The following SLC9A2 variants were observed in gnomAD, a reference collection of about 807,000 sequenced individuals.
SLC9A2 encodes sodium/hydrogen exchanger 2.
A neutral mutation model predicts 71.7 loss-of-function variants in SLC9A2; 42 were observed. The observed-to-expected ratio is 0.59, with a 90% CI of 0.46 to 0.76. The LOEUF is 0.76. SLC9A2 is among the 30% of genes least tolerant of loss of function. SLC9A2 has a pLI of 0.00. For synonymous variants in SLC9A2, 396 were observed against 392.5 expected (o/e 1.01, Z -0.10); for missense variants, 829 against 1,017.4 (o/e 0.81, Z 2.52).
chr2:102,670,944 G>GT (rs1329932955), intron 3 of SLC9A2, among the ~76,000 whole-genome samples: 1 of 146,676 alleles, frequency 6.8e-6, no homozygotes, highest in African/African-American at 2.5e-5. Context: ...ATCCAAGAGT[G>GT]TTAAACCATA....
At chr2:102,650,030 C>T (rs1422153544) in intron 1 of SLC9A2, among the ~76,000 whole-genome samples, 1 of 152,120 alleles carries the variant, frequency 6.6e-6, no homozygotes, top group Non-Finnish European at 1.5e-5. Context: ...GTGTTTCTTG[C>T]ATGCAGCGCT....
intron 2 of SLC9A2, among the ~76,000 whole-genome samples, chr2:102,660,456 T>C (rs1677028110): frequency 6.6e-6 from 1 of 152,220 alleles, no homozygotes; most frequent in East Asian, 1.9e-4. Flanking sequence ...CCCACAGGTT[T>C]GCCAAAGAAT....
chr2:102,653,736 A>C (rs1676879008), intron 1 of SLC9A2, among the ~76,000 whole-genome samples: 1 of 152,236 alleles, frequency 6.6e-6, no homozygotes, highest in South Asian at 2.1e-4. Flanking sequence ...AAAGGAAAGA[A>C]AAAGGTGAAA....
At chr2:102,676,496 G>A (rs1440653813) in intron 3 of SLC9A2, among the ~76,000 whole-genome samples, 2 of 152,158 alleles carry the variant, frequency 1.3e-5, no homozygotes, top group Non-Finnish European at 2.9e-5. Flanking sequence ...TTTATGCAAT[G>A]GACAAGTCTT....
At chr2:102,662,404 A>G (rs1677065977) in intron 2 of SLC9A2, among the ~76,000 whole-genome samples, 1 of 152,174 alleles carries the variant, frequency 6.6e-6, no homozygotes, top group Non-Finnish European at 1.5e-5. Flanking sequence ...GAGGAAAAGA[A>G]GAAGGAGACT....
Position 102,678,552 on chromosome 2 carries a change from G to A in SLC9A2, c.1005-4709G>A, listed in dbSNP as rs551642165. On this transcript the variant is annotated intron_variant, in intron 3 of 11. Transcript: ENST00000233969. Reference sequence around the variant, plus strand: ...CAATGTCATACTGATGACACAGAATGAGGACGTGAGGCTGTGGACTCCGGT... The same window carrying A: ...CAATGTCATACTGATGACACAGAATAAGGACGTGAGGCTGTGGACTCCGGT... 1.8e-4 allele frequency among the ~76,000 whole-genome samples: 28 copies of A among 152,314 alleles called. No individual in the cohort carries two copies. In the South Asian group the frequency reaches 2.5e-3, roughly 14 times the overall value.
Position 102,619,640 on chromosome 2 carries a change from C to G in SLC9A2, c.-209C>G, listed in dbSNP as rs887453464. The G allele has an allele frequency of 2.0e-4, 86 of 440,242 alleles. No individual in the cohort carries two copies. The highest frequency in any genetic ancestry group is 2.7e-4 in the Non-Finnish European group (69 of 253,938). The allele number at this position is 440,242 out of a possible 1,614,324, so 27.3% of individuals were successfully genotyped here. A position where few individuals can be genotyped will look rare whatever the true frequency, so the allele number is the denominator to read the frequency against. ...GGTACGCGCAGCGGCCTCTCGTCGC[C>G]CTGCACGTGCCTCGCCAGGCAGTGC... is the stretch of plus-strand genomic sequence containing the variant. On this transcript the variant is annotated 5_prime_UTR_variant, in exon 1 of 12. Transcript: ENST00000233969. The surrounding 1 kb of genome is among the most constrained non-coding windows in gnomAD (Gnocchi z 4.3).
At chr2:102,690,001 T>C (rs920309094) in intron 5 of SLC9A2, among the ~76,000 whole-genome samples, 5 of 151,978 alleles carry the variant, frequency 3.3e-5, no homozygotes, top group African/African-American at 9.7e-5. Context: ...GAGTGGGAGA[T>C]GTAAATTTGG....
chr2:102,683,510 T>C (rs774463172), intron 4 of SLC9A2, 32 bp downstream of exon 4: 26 of 1,521,850 alleles, frequency 1.7e-5, no homozygotes, highest in Non-Finnish European at 2.3e-5. Context: ...ACTGGACATA[T>C]GTAACACTCA....
chr2:102,620,298 T>C (rs549695574), intron 1 of SLC9A2, among the ~76,000 whole-genome samples, 161 bp downstream of exon 1: 1 of 152,240 alleles, frequency 6.6e-6, no homozygotes, highest in East Asian at 1.9e-4. Flanking sequence ...AAAGGACCCT[T>C]GGAAGAGCAG....
At chr2:102,670,162 C>A (rs1295615236) in intron 3 of SLC9A2, among the ~76,000 whole-genome samples, 2 of 145,308 alleles carry the variant, frequency 1.4e-5, no homozygotes, top group Non-Finnish European at 3.0e-5. Context: ...TCCCGAGTAG[C>A]TGGGACTACC....
rs1441498590 is a variant in SLC9A2, at chr2:102,640,812, T to C, written c.290-16752T>C. On this transcript the variant is annotated intron_variant, in intron 1 of 11. Coordinates refer to ENST00000233969, the MANE Select transcript of SLC9A2 (RefSeq NM_003048.6). ...CAAGCCTCTAATCCTGCCTTGGTCT[T>C]TCTGGCAACCAGCACCCATCTTGAA... Among the ~76,000 whole-genome samples, 12 of 152,304 alleles carry C rather than the reference T, an allele frequency of 7.9e-5. 1 individual carries two copies. In the South Asian group the frequency reaches 2.5e-3, roughly 32 times the overall value.
chr2:102,674,773 C>T (rs1211934519), intron 3 of SLC9A2, among the ~76,000 whole-genome samples: 1 of 152,190 alleles, frequency 6.6e-6, no homozygotes, highest in East Asian at 1.9e-4. Flanking sequence ...GGGATTTAGC[C>T]TTAGGGTGAT....
At chr2:102,653,033 C>G (rs1676864907) in intron 1 of SLC9A2, among the ~76,000 whole-genome samples, 2 of 152,178 alleles carry the variant, frequency 1.3e-5, no homozygotes, top group African/African-American at 4.8e-5. Flanking sequence ...TCACTAATTA[C>G]TTAGCTGATG....
chr2:102,669,602 G>A (rs1677207039), intron 3 of SLC9A2, among the ~76,000 whole-genome samples: 1 of 152,204 alleles, frequency 6.6e-6, no homozygotes, highest in South Asian at 2.1e-4. Flanking sequence ...CAGGGCATGA[G>A]AGGTGACTAA....
chr2:102,683,534 G>A, intron 4 of SLC9A2, 56 bp downstream of exon 4: 2 of 1,358,024 alleles, frequency 1.5e-6, no homozygotes, highest in Non-Finnish European at 1.0e-6. Flanking sequence ...ATTGAATGGG[G>A]CTTTCCTTTT....
rs1033220152 is a variant in SLC9A2, at chr2:102,708,160, G to A, written c.2110G>A (p.Val704Met). ...SDSDADAGTT[V>M]LNLQPRARRF... Reference sequence around the variant, plus strand: ...CTCAGACGCAGATGCCGGGACCACCGTGCTCAATTTGCAGCCCAGAGCCAG... The same window carrying A: ...CTCAGACGCAGATGCCGGGACCACCATGCTCAATTTGCAGCCCAGAGCCAG... Residue 704 changes from valine (V) to methionine (M), a missense_variant, in exon 12 of 12, where the codon GTG (valine) becomes ATG (methionine). This residue lies in a region of SLC9A2 where 223 missense variants were observed against 197.5 expected (regional missense o/e 1.13). Coordinates refer to ENST00000233969, the MANE Select transcript of SLC9A2 (RefSeq NM_003048.6). 2.5e-6 allele frequency: 4 copies of A among 1,614,060 alleles called. No homozygotes were observed. Among genetic ancestry groups the A allele is most frequent in the East Asian group, 2.2e-5 (1 of 44,882 alleles).
In SLC9A2 at chr2:102,620,022, C is replaced by G; in HGVS notation, c.174C>G (p.Pro58=). 1 of 1,614,078 alleles carries G rather than the reference C, an allele frequency of 6.2e-7. No homozygotes were observed. The highest frequency in any genetic ancestry group is 8.5e-7 in the Non-Finnish European group (1 of 1,180,004). Reference sequence around the variant, plus strand: ...CTAGCCCTGCGAGCGTGGTGGCTCCCGGAACGACGCTGTTCGAGGAGAGCC... The same window carrying G: ...CTAGCCCTGCGAGCGTGGTGGCTCCGGGAACGACGCTGTTCGAGGAGAGCC... ...SPPSPASVVA[P]GTTLFEESRL... The change falls in exon 1 of 12, where the codon CCC becomes CCG. Residue 58 remains proline (P), a synonymous_variant. Coordinates refer to ENST00000233969, the MANE Select transcript of SLC9A2 (RefSeq NM_003048.6).
intron 1 of SLC9A2, among the ~76,000 whole-genome samples, chr2:102,653,520 G>A (rs1365637702): frequency 4.6e-5 from 7 of 152,122 alleles, no homozygotes; most frequent in African/African-American, 7.2e-5. Flanking sequence ...CTGCTTGCCC[G>A]AGTTTCTGGT....
Sources: gnomAD v4.1 joint callset for allele counts (sites outside exome capture counted in the v4.1 genomes callset) on GRCh38, gnomAD v4.1.1 for gene constraint, gnomAD v4.1.1 regional missense constraint, Gnocchi (gnomAD v3.1) non-coding constraint, MANE v1.5 for transcripts, NCBI Gene and HGNC (gene_info 2026-07-23, HGNC 2026-07-21) for gene names.